Variants in TMCO4 observed in about 807,000 individuals in gnomAD.
The protein encoded by TMCO4 is transmembrane and coiled-coil domains 4, also known as transmembrane and coiled-coil domain-containing protein 4.
In TMCO4, 58 loss-of-function variants were observed where a neutral mutation model predicts 64.7. The observed-to-expected ratio is 0.90, with a 90% confidence interval of 0.73 to 1.12. TMCO4 has a LOEUF of 1.12. Ranked by LOEUF, TMCO4 falls within the 50% of genes most tolerant of loss-of-function variation. The pLI, the probability that TMCO4 is intolerant of heterozygous loss-of-function variation, is 0.00. For synonymous variants in TMCO4, 325 were observed against 346.1 expected (o/e 0.94, Z 0.68); for missense variants, 780 against 825.9 (o/e 0.94, Z 0.68).
At position 19,771,378 on chromosome 1, in the gene TMCO4, C is replaced by T. The variant is rs781545231; in HGVS notation, c.284G>A (p.Gly95Glu). The T allele has an allele frequency of 6.2e-7, 1 of 1,614,192 alleles. No individual in the cohort carries two copies. The highest frequency in any genetic ancestry group is 8.5e-7 in the Non-Finnish European group (1 of 1,180,038). ...TAFASGLGGE[G>E]ADVFVQILLK... is the part of the protein sequence containing the mutation. ...TAAAATTTGAACAAACACATCTGCT[C>T]CTTCACCTCCCAGGCCGCTCGCAAA... Residue 95 changes from glycine to glutamate, a missense_variant, in exon 5 of 16, where the codon GGA (glycine) becomes GAA (glutamate). Transcript: ENST00000294543.
intron 7 of TMCO4, among the ~76,000 whole-genome samples, chr1:19,747,930 A>G (rs1268842266): frequency 6.6e-6 from 1 of 152,192 alleles, no homozygotes; most frequent in Non-Finnish European, 1.5e-5. Context: ...AGAGGTTATT[A>G]AGTAGGAACT....
chr1:19,780,492 C>T, intron 4 of TMCO4, 88 bp downstream of exon 4: 3 of 1,462,390 alleles, frequency 2.1e-6, no homozygotes, highest in African/African-American at 1.4e-5. Context: ...CTCTGCATTG[C>T]CTCATCGTGC....
chr1:19,791,704 C>G (rs2044046800), intron 2 of TMCO4, among the ~76,000 whole-genome samples: 1 of 152,236 alleles, frequency 6.6e-6, no homozygotes. Flanking sequence ...AGCAGTACCT[C>G]TGTGCCCTGG....
chr1:19,768,063 A>G (rs1327447474), intron 6 of TMCO4, among the ~76,000 whole-genome samples: 1 of 150,558 alleles, frequency 6.6e-6, no homozygotes, highest in Non-Finnish European at 1.5e-5. Flanking sequence ...CCTGTACTCC[A>G]GCCTGGCGGA....
chr1:19,785,546 C>G (rs1373152399), intron 3 of TMCO4, among the ~76,000 whole-genome samples: 1 of 152,214 alleles, frequency 6.6e-6, no homozygotes, highest in Admixed American at 6.5e-5. Context: ...AAGCCCTGTT[C>G]TGGGCCTTAG....
intron 6 of TMCO4, among the ~76,000 whole-genome samples, chr1:19,760,793 C>T (rs551888771): frequency 6.6e-4 from 101 of 152,358 alleles, no homozygotes; most frequent in Non-Finnish European, 1.2e-3. Flanking sequence ...CCTAGTACCT[C>T]GGCCCATGCC....
chr1:19,709,789 T>C (rs1252695505), intron 13 of TMCO4, among the ~76,000 whole-genome samples: 1 of 151,976 alleles, frequency 6.6e-6, no homozygotes, highest in African/African-American at 2.4e-5. Context: ...TTTTTTCTTT[T>C]CTTTCTTTTT....
At chr1:19,713,130 T>C (rs1403459130) in intron 13 of TMCO4, among the ~76,000 whole-genome samples, 1 of 152,126 alleles carries the variant, frequency 6.6e-6, no homozygotes, top group Non-Finnish European at 1.5e-5. Context: ...TATGGGCCAA[T>C]GCAAGTCACA....
At chr1:19,735,731 A>G (rs1323511174) in intron 13 of TMCO4, among the ~76,000 whole-genome samples, 2 of 152,234 alleles carry the variant, frequency 1.3e-5, no homozygotes, top group Admixed American at 6.5e-5. Context: ...ATCTTAAGTT[A>G]ACATAGCATT....
Position 19,710,234 on chromosome 1 carries a change from G to A in TMCO4, c.1265-9349C>T, listed in dbSNP as rs2095324206. The stretch of plus-strand genomic sequence containing the variant: ...CCACCCTCCTGCCTCAGCGTCCCAA[G>A]TAACTGGGACTACAGGTGTGTGTTA... On this transcript the variant is annotated intron_variant, in intron 13 of 15. Transcript: ENST00000294543. 3.3e-5 allele frequency among the ~76,000 whole-genome samples: 5 copies of A among 151,040 alleles called. No homozygotes were observed. In the South Asian group the frequency reaches 1.0e-3, roughly 32 times the overall value.
chr1:19,725,689 A>C (rs1390825537), intron 13 of TMCO4, among the ~76,000 whole-genome samples: 1 of 152,036 alleles, frequency 6.6e-6, no homozygotes, highest in East Asian at 1.9e-4. Flanking sequence ...CTAGAGGGGG[A>C]TTGTTCATTG....
In TMCO4 at chr1:19,730,155, T is replaced by A. The variant is rs531201608; in HGVS notation, c.1264+7217A>T. On this transcript the variant is annotated intron_variant, in intron 13 of 15. Transcript: ENST00000294543. The stretch of plus-strand genomic sequence containing the variant: ...CTCCTTCATGTGAGGAATGTCTCCA[T>A]GCCTTGCTTTGGCCAATGAAATGTT... 2.6e-5 allele frequency among the ~76,000 whole-genome samples: 4 copies of A among 152,358 alleles called. No homozygotes were observed. The East Asian group carries it at 7.7e-4, about 29-fold the overall frequency.
chr1:19,758,559 G>C (rs190555203), intron 6 of TMCO4, among the ~76,000 whole-genome samples: 237 of 152,306 alleles, frequency 1.6e-3, no homozygotes, highest in Non-Finnish European at 2.7e-3. Context: ...CGGGGCTTTT[G>C]TATCTTAGCC....
chr1:19,685,716 T>TTTTTTTC (rs2095143111), intron 15 of TMCO4, among the ~76,000 whole-genome samples: 1 of 134,778 alleles, frequency 7.4e-6, no homozygotes, highest in Non-Finnish European at 1.6e-5. Flanking sequence ...GTTTCTTTTT[T>TTTTTTTC]TTTTTTTTTT....
intron 2 of TMCO4, among the ~76,000 whole-genome samples, chr1:19,791,140 C>T (rs983916786): frequency 5.3e-5 from 8 of 152,052 alleles, no homozygotes; most frequent in African/African-American, 1.9e-4. Context: ...GGAGAACACA[C>T]ACTGGGGCCT....
intron 7 of TMCO4, among the ~76,000 whole-genome samples, chr1:19,751,471 C>T (rs766873229): frequency 3.3e-5 from 5 of 152,074 alleles, no homozygotes; most frequent in Admixed American, 6.6e-5. Flanking sequence ...GTGGTGCACA[C>T]CTGTGGTCCA....
In TMCO4 at chr1:19,700,964, G is replaced by A. The variant is rs1375070189; in HGVS notation, c.1265-79C>T. The A allele has an allele frequency of 9.0e-6, 10 of 1,110,856 alleles. No homozygotes were observed. The Admixed American group carries it at 1.3e-4, about 14-fold the overall frequency. 68.8% of individuals were successfully genotyped at this position (1,110,856 alleles called of 1,614,324 possible). A position where few individuals can be genotyped will look rare whatever the true frequency, so the allele number is the denominator to read the frequency against. On this transcript the variant is annotated intron_variant, in intron 13 of 15. Transcript: ENST00000294543. ...GGGAGGGACTCCAACAGCAGTGGAG[G>A]AGATGAATGTCACACACATACACAT...
At chr1:19,785,601 G>T (rs999569163) in intron 3 of TMCO4, among the ~76,000 whole-genome samples, 1 of 152,220 alleles carries the variant, frequency 6.6e-6, no homozygotes, top group Non-Finnish European at 1.5e-5. Flanking sequence ...CTCTTAAGGG[G>T]CTTACATTCT....
intron 15 of TMCO4, among the ~76,000 whole-genome samples, chr1:19,690,189 T>C (rs1255503396): frequency 6.6e-6 from 1 of 152,234 alleles, no homozygotes; most frequent in East Asian, 1.9e-4. Context: ...ATTATCAGCG[T>C]GTCCTCATTC....
Sources: allele counts gnomAD v4.1 joint callset (sites outside exome capture counted in the v4.1 genomes callset), GRCh38; gene constraint gnomAD v4.1.1; transcripts MANE v1.5; gene names NCBI Gene and HGNC (gene_info 2026-07-23, HGNC 2026-07-21).